Variants in CDYL observed in about 807,000 individuals in gnomAD.
CDYL encodes the protein chromodomain Y like, also known as chromodomain Y-like protein.
A neutral mutation model predicts 47.3 loss-of-function variants in CDYL; 8 were observed. The ratio of observed to expected loss-of-function variants is 0.17; its 90% CI spans 0.10 to 0.31. The LOEUF (loss-of-function observed/expected upper bound fraction) is 0.31. Ranked by LOEUF, CDYL falls within the 10% of genes least tolerant of loss-of-function variation. CDYL has a pLI of 1.00. For missense variants in CDYL, 471 were observed against 701.4 expected, an observed-to-expected ratio of 0.67 and a Z score of 3.71; for synonymous variants, 266 against 265.0, an observed-to-expected ratio of 1.00 and a Z score of -0.04.
At chr6:4,941,862 C>T (rs963514401) in intron 4 of CDYL, among the ~76,000 whole-genome samples, 2 of 152,188 alleles carry the variant, frequency 1.3e-5, no homozygotes, top group African/African-American at 4.8e-5. Flanking sequence ...AGTTTGCCTT[C>T]TGTTCCATAA....
At chr6:4,782,952 A>G (rs1022096218) in intron 1 of CDYL, among the ~76,000 whole-genome samples, 1 of 152,230 alleles carries the variant, frequency 6.6e-6, no homozygotes, top group Non-Finnish European at 1.5e-5. Flanking sequence ...CATGATGTCT[A>G]AAGATAGTCA....
chr6:4,757,124 T>C (rs986277101), intron 3 of CDYL, among the ~76,000 whole-genome samples: 3 of 152,208 alleles, frequency 2.0e-5, no homozygotes, highest in African/African-American at 4.8e-5. Flanking sequence ...AAAAGTTTGT[T>C]GGATATTTCT....
At chr6:4,916,857 G>C (rs1757570472) in intron 2 of CDYL, among the ~76,000 whole-genome samples, 1 of 152,182 alleles carries the variant, frequency 6.6e-6, no homozygotes, top group African/African-American at 2.4e-5. Context: ...AGGTACCCCG[G>C]ATGGAGGCCT....
Position 4,935,967 on chromosome 6 carries a change from T to C in CDYL, c.948+196T>C, listed in dbSNP as rs998245863. Among the ~76,000 whole-genome samples, 18 of 152,280 alleles carry C rather than the reference T, an allele frequency of 1.2e-4. No individual in the cohort carries two copies. The Middle Eastern group carries it at 0.014, about 115-fold the overall frequency. On this transcript the variant is annotated intron_variant, in intron 3 of 6. Coordinates refer to ENST00000397588, the MANE Select transcript of CDYL (RefSeq NM_004824.4). Reference sequence around the variant, plus strand: ...TGTCCCACCTCCAATGGCCGTGAATTCAGGATGCTTGGCCTGTGCTGAGTG... The same window carrying C: ...TGTCCCACCTCCAATGGCCGTGAATCCAGGATGCTTGGCCTGTGCTGAGTG...
chr6:4,717,440 T>C (rs1757285392), intron 2 of CDYL, among the ~76,000 whole-genome samples: 1 of 151,898 alleles, frequency 6.6e-6, no homozygotes, highest in African/African-American at 2.4e-5. Context: ...TCAGGCACGG[T>C]GGCTAAAGGC....
At chr6:4,815,673 C>CTTTTTTTTTTTTTT (rs35346944) in intron 1 of CDYL, among the ~76,000 whole-genome samples, 1 of 113,652 alleles carries the variant, frequency 8.8e-6, no homozygotes, top group African/African-American at 3.3e-5. Context: ...TGAGATTTCA[C>CTTTTTTTTTTTTTT]TTTTTTTTTT....
chr6:4,899,827 G>A (rs534408179), intron 2 of CDYL, among the ~76,000 whole-genome samples: 10 of 152,192 alleles, frequency 6.6e-5, no homozygotes, highest in Non-Finnish European at 1.2e-4. Context: ...GCCATATCCC[G>A]AGGGGAAGAG....
At chr6:4,720,360 T>C (rs2127409547) in intron 2 of CDYL, among the ~76,000 whole-genome samples, 1 of 152,324 alleles carries the variant, frequency 6.6e-6, no homozygotes, top group Admixed American at 6.5e-5. Flanking sequence ...TTAGTGCATT[T>C]CCGTTGTGAA....
rs148126433 is a variant in CDYL at position 4,914,944 on chromosome 6, G to A, written c.692-20571G>A. Among the ~76,000 whole-genome samples, 1,062 of 152,318 alleles carry A rather than the reference G, an allele frequency of 7.0e-3. 10 individuals carry two copies. The highest frequency in any genetic ancestry group is 0.011 in the Non-Finnish European group (757 of 68,032). ...AGTGGACGAGTCCAGGACAGAGCTG[G>A]CTTCTGAGCCTAGGAGGTCGGGCAC... On this transcript the variant is annotated intron_variant, in intron 2 of 6. Transcript: ENST00000397588.
rs565819565 is a variant in CDYL at position 4,914,773 on chromosome 6, C to T, written c.692-20742C>T. On this transcript the variant is annotated intron_variant, in intron 2 of 6. Coordinates refer to ENST00000397588, the MANE Select transcript of CDYL (RefSeq NM_004824.4). ...TGGGTTGTGACATGGTTTCTTAGAA[C>T]GGGGCCCACACATGGCCCACGCATA... Among the ~76,000 whole-genome samples, 150 of 152,260 alleles carry T rather than the reference C, an allele frequency of 9.9e-4. 1 individual carries two copies. The highest frequency in any genetic ancestry group is 1.1e-3 in the Non-Finnish European group (78 of 68,014).
At chr6:4,770,841 C>T (rs1050952659) in intron 3 of CDYL, among the ~76,000 whole-genome samples, 5 of 152,124 alleles carry the variant, frequency 3.3e-5, no homozygotes, top group African/African-American at 9.7e-5. Context: ...ATTAACAATC[C>T]ACCTTTGCAG....
chr6:4,893,412 G>T (rs1027083903), intron 2 of CDYL, among the ~76,000 whole-genome samples: 3 of 152,214 alleles, frequency 2.0e-5, no homozygotes, highest in African/African-American at 7.2e-5. Flanking sequence ...TGTCTCTTTA[G>T]CCGGGCGTGG....
chr6:4,860,128 C>T (rs1041117053), intron 1 of CDYL, among the ~76,000 whole-genome samples: 2 of 152,028 alleles, frequency 1.3e-5, no homozygotes, highest in Non-Finnish European at 2.9e-5. Flanking sequence ...GTCTCGATCT[C>T]CTGACCTCGT....
chr6:4,724,233 G>C (rs1214198006), intron 2 of CDYL, among the ~76,000 whole-genome samples: 1 of 151,496 alleles, frequency 6.6e-6, no homozygotes, highest in African/African-American at 2.4e-5. Flanking sequence ...TTTTTAAGTA[G>C]AGACAGGGTT....
At chr6:4,851,455 C>T (rs564667364) in intron 1 of CDYL, among the ~76,000 whole-genome samples, 1 of 152,232 alleles carries the variant, frequency 6.6e-6, no homozygotes, top group East Asian at 1.9e-4. Flanking sequence ...TAGGGGTGAG[C>T]TTTTGAGGTC....
chr6:4,708,801 C>T (rs1413205986), intron 1 of CDYL, among the ~76,000 whole-genome samples: 1 of 151,942 alleles, frequency 6.6e-6, no homozygotes, highest in East Asian at 1.9e-4. Flanking sequence ...GGTGGATCAC[C>T]TGAGGTCAGG....
intron 2 of CDYL, among the ~76,000 whole-genome samples, chr6:4,728,723 G>T (rs545432117): frequency 2.0e-4 from 30 of 152,272 alleles, no homozygotes; most frequent in African/African-American, 7.2e-4. Flanking sequence ...GTAGCTTTCT[G>T]CTTTTGGTTG....
chr6:4,726,693 C>A (rs1423470743), intron 2 of CDYL, among the ~76,000 whole-genome samples: 14 of 148,638 alleles, frequency 9.4e-5, no homozygotes, highest in African/African-American at 3.5e-4. Flanking sequence ...AGAGTGAGAC[C>A]TGTCTCAAAA....
chr6:4,778,254 T>G (rs978008645), intron 1 of CDYL, among the ~76,000 whole-genome samples: 1 of 152,198 alleles, frequency 6.6e-6, no homozygotes, highest in Non-Finnish European at 1.5e-5. Context: ...TCTTTGGTTG[T>G]TTAGTCATGA....
Sources: allele counts gnomAD v4.1 joint callset (sites outside exome capture counted in the v4.1 genomes callset), GRCh38; gene constraint gnomAD v4.1.1; transcripts MANE v1.5; gene names NCBI Gene and HGNC (gene_info 2026-07-23, HGNC 2026-07-21).